Variants in CNTN5 observed in about 807,000 individuals in gnomAD.
The protein encoded by CNTN5 is contactin 5.
A neutral mutation model predicts 129.1 loss-of-function variants in CNTN5; 77 were observed. That is an observed-to-expected ratio of 0.60 (90% CI 0.50 to 0.72). The LOEUF is 0.72. Ranked by LOEUF, CNTN5 falls within the 30% of genes least tolerant of loss-of-function variation. CNTN5 has a pLI of 0.00. For missense variants in CNTN5, 1,478 were observed against 1,328.8 expected (o/e 1.11, Z -1.75); for synonymous variants, 509 against 465.6 (o/e 1.09, Z -1.20).
chr11:100,230,653 C>G (rs1052767665), intron 16 of CNTN5, among the ~76,000 whole-genome samples: 1 of 152,156 alleles, frequency 6.6e-6, no homozygotes, highest in African/African-American at 2.4e-5. Flanking sequence ...TGCACACAGA[C>G]AACCAATCAA....
chr11:99,110,869 G>A (rs1047985965), intron 1 of CNTN5, among the ~76,000 whole-genome samples: 5 of 152,138 alleles, frequency 3.3e-5, no homozygotes, highest in Admixed American at 1.3e-4. Context: ...AACTGTGATA[G>A]AAATAGATCC....
At chr11:99,969,923 T>C (rs1951203523) in intron 8 of CNTN5, among the ~76,000 whole-genome samples, 1 of 152,220 alleles carries the variant, frequency 6.6e-6, no homozygotes, top group Non-Finnish European at 1.5e-5. Context: ...TAAATATTTT[T>C]TTCTTTAGTG....
chr11:99,481,271 C>T (rs1403688199), intron 2 of CNTN5, among the ~76,000 whole-genome samples: 3 of 152,122 alleles, frequency 2.0e-5, no homozygotes, highest in South Asian at 2.1e-4. Flanking sequence ...CAATTATCTA[C>T]ATCATATCAT....
intron 3 of CNTN5, among the ~76,000 whole-genome samples, chr11:99,740,575 A>G (rs1209970618): frequency 6.6e-6 from 1 of 152,136 alleles, no homozygotes; most frequent in Admixed American, 6.6e-5. Context: ...AATGAATTAG[A>G]AGGAGGCTTC....
intron 16 of CNTN5, among the ~76,000 whole-genome samples, chr11:100,227,386 T>C (rs1294668352): frequency 6.6e-6 from 1 of 152,180 alleles, no homozygotes; most frequent in African/African-American, 2.4e-5. Context: ...CATTGCCTAT[T>C]TAGAATCTGA....
chr11:99,489,423 A>G (rs1413076018), intron 2 of CNTN5, among the ~76,000 whole-genome samples: 1 of 152,154 alleles, frequency 6.6e-6, no homozygotes, highest in Non-Finnish European at 1.5e-5. Context: ...AGCACCATTT[A>G]GTATTTTACA....
At chr11:99,608,100 TAAAAAAAAAA>T (rs11284734) in intron 3 of CNTN5, among the ~76,000 whole-genome samples, 1 of 147,486 alleles carries the variant, frequency 6.8e-6, no homozygotes, top group Non-Finnish European at 1.5e-5. Flanking sequence ...TAGAGTATAA[TAAAAAAAAAA>T]AAAAATCACA....
intron 1 of CNTN5, among the ~76,000 whole-genome samples, chr11:99,067,891 AAGAG>A (rs1400501202): frequency 6.6e-6 from 1 of 152,116 alleles, no homozygotes; most frequent in East Asian, 1.9e-4. Context: ...CCCATGCAGC[AAGAG>A]AGAGACCAGG....
chr11:100,019,406 A>G (rs1479528051), intron 9 of CNTN5, among the ~76,000 whole-genome samples: 1 of 151,950 alleles, frequency 6.6e-6, no homozygotes, highest in African/African-American at 2.4e-5. Flanking sequence ...TATGAGTTTG[A>G]CATTTTTAAA....
chr11:99,422,537 T>G (rs1942945812), intron 2 of CNTN5, among the ~76,000 whole-genome samples: 1 of 135,740 alleles, frequency 7.4e-6, no homozygotes, highest in Non-Finnish European at 1.6e-5. Context: ...TATATATATA[T>G]ATATATATAT....
chr11:100,336,888 G>A (rs536083912), intron 21 of CNTN5: 157 of 545,316 alleles, frequency 2.9e-4, no homozygotes, highest in Admixed American at 4.6e-4. Context: ...AGCTATAGCA[G>A]CAACTCATAG....
chr11:99,558,084 A>G, intron 3 of CNTN5: 1 of 161,470 alleles, frequency 6.2e-6, no homozygotes, highest in Non-Finnish European at 1.4e-5. Flanking sequence ...TGACATGAAA[A>G]GGTAAGGTAT....
At chr11:100,257,544 G>C (rs1188330555) in intron 17 of CNTN5, among the ~76,000 whole-genome samples, 1 of 152,104 alleles carries the variant, frequency 6.6e-6, no homozygotes, top group East Asian at 1.9e-4. Context: ...GGAGAGCTCT[G>C]GCTGGCATCT....
At chr11:99,485,023 T>C (rs1169288215) in intron 2 of CNTN5, among the ~76,000 whole-genome samples, 1 of 152,090 alleles carries the variant, frequency 6.6e-6, no homozygotes, top group Non-Finnish European at 1.5e-5. Context: ...AGGATGACTA[T>C]AGTTAACAAT....
intron 4 of CNTN5, among the ~76,000 whole-genome samples, chr11:99,843,815 A>G (rs1325899484): frequency 2.6e-5 from 4 of 152,214 alleles, no homozygotes; most frequent in Admixed American, 6.5e-5. Flanking sequence ...AACCTGATCT[A>G]GGGCTATTAT....
intron 2 of CNTN5, among the ~76,000 whole-genome samples, chr11:99,516,170 A>G (rs1319466158): frequency 6.6e-6 from 1 of 152,086 alleles, no homozygotes; most frequent in Non-Finnish European, 1.5e-5. Context: ...ACTCATAAAT[A>G]TAAGTCCAAC....
intron 6 of CNTN5, among the ~76,000 whole-genome samples, chr11:99,852,285 A>G (rs939729376): frequency 3.9e-5 from 6 of 152,156 alleles, no homozygotes; most frequent in African/African-American, 1.4e-4. Flanking sequence ...TACAGTATGG[A>G]TTATTGGATT....
At chr11:99,854,495 T>C (rs780039520) in intron 6 of CNTN5, among the ~76,000 whole-genome samples, 10 of 152,108 alleles carry the variant, frequency 6.6e-5, no homozygotes, top group Non-Finnish European at 1.0e-4. Context: ...GGCTTGAAAA[T>C]AAACGAGAAT....
chr11:100,126,251 A>C (rs1946179922), intron 13 of CNTN5, among the ~76,000 whole-genome samples: 1 of 152,088 alleles, frequency 6.6e-6, no homozygotes, highest in East Asian at 1.9e-4. Context: ...GTGCAGATGA[A>C]AAGAATTTAT....
Sources: allele counts gnomAD v4.1 joint callset (sites outside exome capture counted in the v4.1 genomes callset), GRCh38; gene constraint gnomAD v4.1.1; transcripts MANE v1.5; gene names NCBI Gene and HGNC (gene_info 2026-07-23, HGNC 2026-07-21).